Variants in CD40 observed in about 807,000 individuals in gnomAD.
CD40 encodes the protein tumor necrosis factor receptor superfamily member 5.
Under a neutral mutation model 38.5 loss-of-function variants are expected in CD40, and 19 were observed. That is an observed-to-expected ratio of 0.49 (90% confidence interval 0.34 to 0.72). The LOEUF (loss-of-function observed/expected upper bound fraction) is 0.72, where lower values mean the gene tolerates loss of function less well. Ranked by LOEUF, CD40 falls within the 30% of genes least tolerant of loss-of-function variation. The probability of loss-of-function intolerance (pLI) is 0.01; values close to 1 mark genes in which losing one functional copy is unlikely to be tolerated. For synonymous variants in CD40, 130 were observed against 128.7 expected (o/e 1.01, Z -0.07); for missense variants, 256 against 344.1 (o/e 0.74, Z 2.03).
At position 46,118,323 on chromosome 20, in the gene CD40, G is replaced by A. The variant is rs2085250232; in HGVS notation, c.-21G>A. 1.2e-6 allele frequency: 2 copies of A among 1,612,894 alleles called. No homozygotes were observed. The highest frequency in any genetic ancestry group is 4.5e-5 in the East Asian group (2 of 44,876). On this transcript the variant is annotated 5_prime_UTR_variant, in exon 1 of 9. Coordinates refer to ENST00000372285, the MANE Select transcript of CD40 (RefSeq NM_001250.6). ...CCTCGCTCGGGCGCCCAGTGGTCCT[G>A]CCGCCTGGTCTCACCTCGCTATGGT...
chr20:46,122,126 T>C lies in CD40; in HGVS notation c.131-107T>C, dbSNP rs903587677. 2 of 1,428,554 alleles carry C rather than the reference T, an allele frequency of 1.4e-6. No individual in the cohort carries two copies. The highest frequency in any genetic ancestry group is 4.5e-5 in the East Asian group (2 of 44,016). 88.5% of individuals were successfully genotyped at this position (1,428,554 alleles called of 1,614,324 possible). On this transcript the variant is annotated intron_variant, in intron 2 of 8. Coordinates refer to ENST00000372285, the MANE Select transcript of CD40 (RefSeq NM_001250.6). This position sits in a 1 kb window ranked among gnomAD's most constrained non-coding sequence, Gnocchi z 5.0. ...CGCCTGATTATGAAGGATCCAAGAC[T>C]TTCATCTTTGAATCCCCTACCCTAA...
At chr20:46,126,908 A>C in intron 6 of CD40, 1 of 735,388 alleles carries the variant, frequency 1.4e-6, no homozygotes, top group Non-Finnish European at 2.2e-6. Flanking sequence ...AAATGGGATG[A>C]TAACAGCACT....
chr20:46,121,960 AC>A, intron 2 of CD40, 62 bp downstream of exon 2: 1 of 1,344,126 alleles, frequency 7.4e-7, no homozygotes, highest in Non-Finnish European at 1.1e-6. Context: ...GCAGACGCAG[AC>A]CCCATATGTT....
At chr20:46,120,598 T>C (rs952209042) in intron 1 of CD40, among the ~76,000 whole-genome samples, 2 of 152,262 alleles carry the variant, frequency 1.3e-5, no homozygotes, top group African/African-American at 4.8e-5. Flanking sequence ...CTAATCCTTC[T>C]TTTAAAACAA....
In CD40 at chr20:46,122,612, C is replaced by G. The variant is rs768637864; in HGVS notation, c.259C>G (p.Leu87Val). 2 of 1,614,116 alleles carry G rather than the reference C, an allele frequency of 1.2e-6. No homozygotes were observed. The highest frequency in any genetic ancestry group is 1.7e-6 in the Non-Finnish European group (2 of 1,180,018). The change falls in exon 4 of 9, where the codon CTA becomes GTA. Residue 87 changes from leucine to valine, a missense_variant and splice_region_variant. Physicochemically the swap from Leu to Val is conservative, Grantham distance 32 (BLOSUM62 1). Transcript: ENST00000372285. This position sits in a 1 kb window ranked among gnomAD's most constrained non-coding sequence, Gnocchi z 5.0. ...CCTTCCTGCCCTTCTCTTCTCAGACCTAGGGCTTCGGGTCCAGCAGAAGGG... is the reference window on the plus strand; with the variant it reads ...CCTTCCTGCCCTTCTCTTCTCAGACGTAGGGCTTCGGGTCCAGCAGAAGGG... Reference protein sequence around the residue: ...CHQHKYCDPNLGLRVQQKGTS... With the variant: ...CHQHKYCDPNVGLRVQQKGTS...
chr20:46,129,115 G>A lies in CD40; in HGVS notation c.*75G>A, dbSNP rs2085502276. 2 of 1,543,656 alleles carry A rather than the reference G, an allele frequency of 1.3e-6. No homozygotes were observed. Among genetic ancestry groups the A allele is most frequent in the African/African-American group, 2.7e-5 (2 of 73,548 alleles). On this transcript the variant is annotated 3_prime_UTR_variant, in exon 9 of 9. Transcript: ENST00000372285. ...CAGAGAGCCTGGTGCTGCTGCTGCTGTGGCGTGAGGGTGAGGGGCTGGCAC... is the reference window on the plus strand; with the variant it reads ...CAGAGAGCCTGGTGCTGCTGCTGCTATGGCGTGAGGGTGAGGGGCTGGCAC...
rs1361679277 is a variant in CD40, at chr20:46,128,867, A to G, written c.676-15A>G. 8.7e-6 allele frequency: 14 copies of G among 1,613,648 alleles called. No individual in the cohort carries two copies. Among genetic ancestry groups the G allele is most frequent in the African/African-American group, 1.3e-5 (1 of 74,874 alleles). On this transcript the variant is annotated splice_polypyrimidine_tract_variant and intron_variant, in intron 8 of 8. Coordinates refer to ENST00000372285, the MANE Select transcript of CD40 (RefSeq NM_001250.6). ...CCCCTGCTGCTGGGGGTGACCTCAC[A>G]CCTTGCCTCTCCAGGCCCCCCACCC...
chr20:46,128,241 G>C lies in CD40; in HGVS notation c.646+17G>C, dbSNP rs2085475592. On this transcript the variant is annotated intron_variant, in intron 7 of 8. Transcript: ENST00000372285. ...TCTTTATCAGTGAGTCCTCAGGTGG[G>C]GAGGTGTTGGGGGAGGGAGGGGAGA... 1 of 1,613,724 alleles carries C rather than the reference G, an allele frequency of 6.2e-7. No homozygotes were observed. Among genetic ancestry groups the C allele is most frequent in the Admixed American group, 1.7e-5 (1 of 59,994 alleles).
intron 1 of CD40, among the ~76,000 whole-genome samples, chr20:46,118,637 G>T (rs2085259068): frequency 6.6e-6 from 1 of 152,170 alleles, no homozygotes; most frequent in Non-Finnish European, 1.5e-5. Flanking sequence ...CTGCCCAAGC[G>T]TGCCTAGACG....
In CD40 at chr20:46,128,949, C is replaced by T. The variant is rs751437274; in HGVS notation, c.743C>T (p.Ala248Val). ...GACGATCTTCCTGGCTCCAACACTG[C>T]TGCTCCAGTGCAGGAGACTTTACAT... Reference protein sequence around the residue: ...FPDDLPGSNTAAPVQETLHGC... With the variant: ...FPDDLPGSNTVAPVQETLHGC... Residue 248 changes from alanine (A) to valine (V), a missense_variant, in exon 9 of 9, where the codon GCT (alanine) becomes GTT (valine). Physicochemically the swap from Ala to Val is moderately conservative, Grantham distance 64. Coordinates refer to ENST00000372285, the MANE Select transcript of CD40 (RefSeq NM_001250.6). 3 of 1,614,184 alleles carry T rather than the reference C, an allele frequency of 1.9e-6. No individual in the cohort carries two copies. The highest frequency in any genetic ancestry group is 2.5e-6 in the Non-Finnish European group (3 of 1,179,994).
chr20:46,123,574 G>A lies in CD40; in HGVS notation c.497+355G>A, dbSNP rs150894808. 1.1e-4 allele frequency among the ~76,000 whole-genome samples: 16 copies of A among 152,264 alleles called. No individual in the cohort carries two copies. The East Asian group carries it at 3.1e-3, about 29-fold the overall frequency. ...TTCTAGGGCTTTCTGGGCTCTGGGT[G>A]CTCACCCTGAGGGCCTCCCTCTCTT... On this transcript the variant is annotated intron_variant, in intron 5 of 8. Coordinates refer to ENST00000372285, the MANE Select transcript of CD40 (RefSeq NM_001250.6).
chr20:46,128,304 CTTTTT>C (rs749590513), intron 7 of CD40, 21 bp from the exon 8 acceptor site: 73 of 1,439,836 alleles, frequency 5.1e-5, no homozygotes, highest in South Asian at 1.1e-4. Flanking sequence ...ACTCCCCATC[CTTTTT>C]TTTTTTTTTT....
Position 46,129,276 on chromosome 20 carries a change from T to G in CD40, c.*236T>G. On this transcript the variant is annotated 3_prime_UTR_variant, in exon 9 of 9. Transcript: ENST00000372285. ...AGCCCATCCAGTCTCCCAACTTGTA[T>G]TAAAGACAGAGGCAGAAGTTTGGTG... 1.8e-6 allele frequency: 1 copy of G among 555,082 alleles called. No homozygotes were observed. Among genetic ancestry groups the G allele is most frequent in the Non-Finnish European group, 3.3e-6 (1 of 305,208 alleles). The allele number at this position is 555,082 out of a possible 1,614,324, so 34.4% of individuals were successfully genotyped here.
At chr20:46,121,055 ACT>A (rs1475074968) in intron 1 of CD40, among the ~76,000 whole-genome samples, 2 of 152,184 alleles carry the variant, frequency 1.3e-5, no homozygotes, top group Admixed American at 1.3e-4. Context: ...ATGGAGCGAG[ACT>A]CTGTCTCAAA....
intron 1 of CD40, among the ~76,000 whole-genome samples, chr20:46,120,782 C>T (rs922294976): frequency 1.3e-5 from 2 of 152,114 alleles, no homozygotes; most frequent in East Asian, 1.9e-4. Flanking sequence ...GTAAATGTAC[C>T]GGCCAGGCAC....
rs11569302 is a variant in CD40 at position 46,118,465 on chromosome 20, C to T, written c.51+71C>T. On this transcript the variant is annotated intron_variant, in intron 1 of 8. Coordinates refer to ENST00000372285, the MANE Select transcript of CD40 (RefSeq NM_001250.6). ...TGAGAAGGAAAGGGAAGGAAGACTTCGGGGAAGAGGCCTTCCTGGCTGATT... is the reference window on the plus strand; with the variant it reads ...TGAGAAGGAAAGGGAAGGAAGACTTTGGGGAAGAGGCCTTCCTGGCTGATT... The T allele has an allele frequency of 8.9e-3, 8,188 of 918,078 alleles. 343 individuals are homozygous for T. The African/African-American group carries it at 0.12, about 13-fold the overall frequency. 56.9% of individuals were successfully genotyped at this position (918,078 alleles called of 1,614,324 possible).
At chr20:46,128,819 G>A (rs2085493247) in intron 8 of CD40, 63 bp from the exon 9 acceptor site, 5 of 1,563,426 alleles carry the variant, frequency 3.2e-6, no homozygotes, top group Non-Finnish European at 4.4e-6. Flanking sequence ...TTCCCAGGGA[G>A]GGGCTCCTCA....
At chr20:46,121,705 GT>G in intron 1 of CD40, 114 bp from the exon 2 acceptor site, 2 of 824,862 alleles carry the variant, frequency 2.4e-6, no homozygotes, top group Non-Finnish European at 4.3e-6. Context: ...TCCACTTTCT[GT>G]TTTGACTTGC....
Position 46,124,751 on chromosome 20 carries a change from G to GTTTTTTTTTTTTTTTT in CD40, c.497+1550_497+1565dup, listed in dbSNP as rs780015926. 2.6e-4 allele frequency among the ~76,000 whole-genome samples: 19 copies of GTTTTTTTTTTTTTTTT among 73,964 alleles called. 4 individuals are homozygous for GTTTTTTTTTTTTTTTT. Among genetic ancestry groups the GTTTTTTTTTTTTTTTT allele is most frequent in the Non-Finnish European group, 4.1e-4 (17 of 40,982 alleles). The allele number at this position is 73,964 out of a possible 152,430, so 48.5% of individuals were successfully genotyped here. A position where few individuals can be genotyped will look rare whatever the true frequency, so the allele number is the denominator to read the frequency against. On this transcript the variant is annotated intron_variant, in intron 5 of 8. Coordinates refer to ENST00000372285, the MANE Select transcript of CD40 (RefSeq NM_001250.6). ...GATAACTGGAGGCACCACTGGTATA[G>GTTTTTTTTTTTTTTTT]TTTTTTTTTTTTTTTTTTTTTTTTT...
Sources: allele counts gnomAD v4.1 joint callset (sites outside exome capture counted in the v4.1 genomes callset), GRCh38; gene constraint gnomAD v4.1.1; non-coding constraint Gnocchi (gnomAD v3.1); transcripts MANE v1.5; gene names NCBI Gene and HGNC (gene_info 2026-07-23, HGNC 2026-07-21).